IGF2R: variants seen among roughly 807,000 people sequenced by gnomAD.
IGF2R encodes insulin like growth factor 2 receptor.
In IGF2R, 91 loss-of-function variants were observed where a neutral mutation model predicts 270.6. That is an observed-to-expected ratio of 0.34 (90% confidence interval 0.28 to 0.40). The LOEUF (loss-of-function observed/expected upper bound fraction) is 0.40, where lower values mean the gene tolerates loss of function less well. IGF2R is among the 10% of genes least tolerant of loss of function. IGF2R has a pLI of 1.00. For synonymous variants in IGF2R, 1,316 were observed against 1,258.9 expected (o/e 1.05, Z -0.96); for missense variants, 2,805 against 3,188.3 (o/e 0.88, Z 2.90).
At chr6:159,979,279 A>G (rs939245193) in intron 1 of IGF2R, among the ~76,000 whole-genome samples, 1 of 151,738 alleles carries the variant, frequency 6.6e-6, no homozygotes, top group Admixed American at 6.6e-5. Context: ...CTCCCCCAAC[A>G]CTCCCTGCGC....
At position 160,043,232 on chromosome 6, in the gene IGF2R, T is replaced by C. The variant is rs764077065; in HGVS notation, c.1565T>C (p.Val522Ala). The C allele has an allele frequency of 6.2e-7, 1 of 1,614,060 alleles. No individual in the cohort carries two copies. ...TTTTTCATTAATATTTGTCACAGAG[T>C]GCTGCAGGAAGGCAAGGCACGAGGG... is the stretch of plus-strand genomic sequence containing the variant. ...KHFFINICHR[V>A]LQEGKARGCP... The change falls in exon 12 of 48, where the codon GTG (valine) becomes GCG (alanine). Residue 522 changes from valine to alanine, a missense_variant. Val to Ala is a moderately conservative substitution (Grantham distance 64). Coordinates refer to ENST00000356956, the MANE Select transcript of IGF2R (RefSeq NM_000876.4).
intron 4 of IGF2R, among the ~76,000 whole-genome samples, chr6:160,020,817 T>C (rs972604782): frequency 6.6e-6 from 1 of 152,228 alleles, no homozygotes; most frequent in Non-Finnish European, 1.5e-5. Flanking sequence ...GCGACTTGAA[T>C]GTAAGGCCTG....
At position 160,089,999 on chromosome 6, in the gene IGF2R, G is replaced by A. The variant is rs1204075003; in HGVS notation, c.6551G>A (p.Arg2184Lys). Residue 2184 changes from arginine to lysine, a missense_variant, in exon 44 of 48, where the codon AGA becomes AAA. This residue lies in a region of IGF2R where 1,851 missense variants were observed against 2,207.2 expected (regional missense o/e 0.84). Coordinates refer to ENST00000356956, the MANE Select transcript of IGF2R (RefSeq NM_000876.4). ...CAACTTTCCTCCATCACAAGCTCCA[G>A]AAACCCGGCGTGCTCTGGAGCCAAC... ...EIQLSSITSS[R>K]NPACSGANIC... 3 of 1,607,278 alleles carry A rather than the reference G, an allele frequency of 1.9e-6. No individual in the cohort carries two copies. Among genetic ancestry groups the A allele is most frequent in the South Asian group, 2.2e-5 (2 of 89,474 alleles).
chr6:160,072,803 G>A lies in IGF2R; in HGVS notation c.4609G>A (p.Gly1537Arg). ...FDLSSLSGRA[G>R]FTAAYSEKGL... ...TCTGAGCTCCTTAAGTGGCAGGGCG[G>A]GATTCACAGCTGCTTACAGCGAGAA... Residue 1537 changes from glycine to arginine, a missense_variant, in exon 33 of 48, where the codon GGA (glycine) becomes AGA (arginine). Around this residue, in one of 2 missense-constraint regions of IGF2R, gnomAD observed 1,851 missense variants for 2,207.2 expected, o/e 0.84. Transcript: ENST00000356956. 6.2e-7 allele frequency: 1 copy of A among 1,614,200 alleles called. No homozygotes were observed. Among genetic ancestry groups the A allele is most frequent in the Non-Finnish European group, 8.5e-7 (1 of 1,180,028 alleles).
chr6:159,993,557 C>T lies in IGF2R; in HGVS notation c.289+2234C>T, dbSNP rs184668180. On this transcript the variant is annotated intron_variant, in intron 2 of 47. Transcript: ENST00000356956. ...GTATGTGGCCCTGACTCTGGGTTCTCTATTCTGTTCCATTGATCTGTGTGC... is the reference window on the plus strand; with the variant it reads ...GTATGTGGCCCTGACTCTGGGTTCTTTATTCTGTTCCATTGATCTGTGTGC... 5.9e-5 allele frequency among the ~76,000 whole-genome samples: 9 copies of T among 152,248 alleles called. No individual in the cohort carries two copies. The East Asian group carries it at 9.6e-4, about 16-fold the overall frequency.
intron 1 of IGF2R, among the ~76,000 whole-genome samples, chr6:159,980,674 C>A (rs564873320): frequency 1.3e-5 from 2 of 152,346 alleles, no homozygotes; most frequent in South Asian, 4.1e-4. Flanking sequence ...AGCTGACAGC[C>A]CGCAGGTTTT....
Position 160,080,294 on chromosome 6 carries a change from C to G in IGF2R, c.5833+19C>G. 2 of 1,609,710 alleles carry G rather than the reference C, an allele frequency of 1.2e-6. No individual in the cohort carries two copies. Among genetic ancestry groups the G allele is most frequent in the Non-Finnish European group, 1.7e-6 (2 of 1,177,416 alleles). Reference sequence around the variant, plus strand: ...AGACACTGTGAGTAGGACGGCTCCGCGTCCCCACATGGCCTGGGGCCTTGA... The same window carrying G: ...AGACACTGTGAGTAGGACGGCTCCGGGTCCCCACATGGCCTGGGGCCTTGA... On this transcript the variant is annotated intron_variant, in intron 39 of 47. Transcript: ENST00000356956.
At chr6:160,077,784 A>G (rs1417485812) in intron 36 of IGF2R, among the ~76,000 whole-genome samples, 1 of 152,230 alleles carries the variant, frequency 6.6e-6, no homozygotes, top group Non-Finnish European at 1.5e-5. Flanking sequence ...TACTTGGCCT[A>G]TGGAATATCT....
At chr6:160,036,953 C>T (rs1219528938) in intron 10 of IGF2R, among the ~76,000 whole-genome samples, 1 of 152,024 alleles carries the variant, frequency 6.6e-6, no homozygotes, top group Non-Finnish European at 1.5e-5. Context: ...GAAGGCCTCC[C>T]ATAGCTCCAT....
chr6:160,084,251 A>T lies in IGF2R; in HGVS notation c.6068+67A>T. ...CATGTGAACTTCAGACTGCTTGACG[A>T]TGGTTGGCTCTTTTGGGTTCTCAAG... On this transcript the variant is annotated intron_variant, in intron 40 of 47. Coordinates refer to ENST00000356956, the MANE Select transcript of IGF2R (RefSeq NM_000876.4). This position sits in a 1 kb window ranked among gnomAD's most constrained non-coding sequence, Gnocchi z 4.6. 1.0e-6 allele frequency: 1 copy of T among 957,582 alleles called. No homozygotes were observed. The highest frequency in any genetic ancestry group is 1.7e-6 in the Non-Finnish European group (1 of 599,646). The allele number at this position is 957,582 out of a possible 1,614,324, so 59.3% of individuals were successfully genotyped here.
chr6:160,047,370 G>A (rs1174570420), intron 16 of IGF2R, 34 bp downstream of exon 16: 1 of 1,519,132 alleles, frequency 6.6e-7, no homozygotes, highest in South Asian at 1.3e-5. Context: ...CGCTCCCTGA[G>A]GATACTCATG....
chr6:160,058,217 C>T (rs1367226991), intron 21 of IGF2R, 93 bp downstream of exon 21: 159 of 813,620 alleles, frequency 2.0e-4, no homozygotes, highest in Non-Finnish European at 6.0e-5. Flanking sequence ...GAGAGAATTG[C>T]CCAGGCCACT....
rs575444133 is a variant in IGF2R at position 160,084,636 on chromosome 6, A to G, written c.6069-359A>G. On this transcript the variant is annotated intron_variant, in intron 40 of 47. Transcript: ENST00000356956. The surrounding 1 kb of genome is among the most constrained non-coding windows in gnomAD (Gnocchi z 4.6). ...CAAGACATCACCGAGGAGCAGGGGC[A>G]TGGACTCACAGGGTTTAAGTGGTTC... 1.2e-4 allele frequency among the ~76,000 whole-genome samples: 18 copies of G among 152,224 alleles called. No individual in the cohort carries two copies. Among genetic ancestry groups the G allele is most frequent in the Admixed American group, 2.0e-4 (3 of 15,294 alleles).
chr6:160,018,215 A>T (rs571446290), intron 4 of IGF2R, among the ~76,000 whole-genome samples: 3 of 152,300 alleles, frequency 2.0e-5, no homozygotes, highest in Admixed American at 6.5e-5. Context: ...AGACCCACCT[A>T]TACTTAGATA....
At chr6:159,971,364 C>T (rs914899562) in intron 1 of IGF2R, among the ~76,000 whole-genome samples, 4 of 152,178 alleles carry the variant, frequency 2.6e-5, no homozygotes, top group African/African-American at 9.7e-5. Context: ...TGGCCACTGT[C>T]ACACGTGGGC....
At chr6:160,045,286 C>G (rs914738422) in intron 13 of IGF2R, among the ~76,000 whole-genome samples, 2 of 152,198 alleles carry the variant, frequency 1.3e-5, no homozygotes, top group Non-Finnish European at 2.9e-5. Context: ...CTCTCTACCT[C>G]CCATTGAAAT....
intron 4 of IGF2R, among the ~76,000 whole-genome samples, chr6:160,023,826 G>C (rs1777492183): frequency 6.6e-6 from 1 of 152,194 alleles, no homozygotes; most frequent in Non-Finnish European, 1.5e-5. Flanking sequence ...CCAAGGGATT[G>C]GGTGTAGACA....
intron 2 of IGF2R, among the ~76,000 whole-genome samples, chr6:159,994,602 G>A (rs1283700551): frequency 5.3e-5 from 8 of 151,700 alleles, no homozygotes; most frequent in East Asian, 1.9e-4. Context: ...CCCTCTTACC[G>A]CTGCTTTGCT....
Position 160,084,821 on chromosome 6 carries a change from C to A in IGF2R, c.6069-174C>A, listed in dbSNP as rs1323959244. Among the ~76,000 whole-genome samples the A allele has an allele frequency of 6.6e-6, 1 of 151,738 alleles. No individual in the cohort carries two copies. The highest frequency in any genetic ancestry group is 1.9e-4 in the East Asian group (1 of 5,188). On this transcript the variant is annotated intron_variant, in intron 40 of 47. Transcript: ENST00000356956. The surrounding 1 kb of genome is among the most constrained non-coding windows in gnomAD (Gnocchi z 4.6). Reference sequence around the variant, plus strand: ...GAGCTCCCTTCTTCAGTGAAGACTTCTTTTGCCCTTTTTTTTTTTAATTGG... The same window carrying A: ...GAGCTCCCTTCTTCAGTGAAGACTTATTTTGCCCTTTTTTTTTTTAATTGG...
Sources: gnomAD v4.1 joint callset for allele counts (sites outside exome capture counted in the v4.1 genomes callset) on GRCh38, gnomAD v4.1.1 for gene constraint, gnomAD v4.1.1 regional missense constraint, Gnocchi (gnomAD v3.1) non-coding constraint, MANE v1.5 for transcripts, NCBI Gene and HGNC (gene_info 2026-07-23, HGNC 2026-07-21) for gene names.